ANXA6: variants seen among roughly 807,000 people sequenced by gnomAD.
ANXA6 encodes the protein annexin A6, also known as 67 kDa calelectrin.
Under a neutral mutation model 95.4 loss-of-function variants are expected in ANXA6, and 71 were observed. That is an observed-to-expected ratio of 0.74 (90% CI 0.61 to 0.91). The LOEUF (loss-of-function observed/expected upper bound fraction) is 0.91, where lower values mean the gene tolerates loss of function less well. Ranked by LOEUF, ANXA6 falls within the 40% of genes least tolerant of loss-of-function variation. The pLI is 0.00. For synonymous variants in ANXA6, 289 were observed against 315.9 expected (o/e 0.91, Z 0.90); for missense variants, 830 against 876.4 (o/e 0.95, Z 0.67).
chr5:151,120,020 C>A (rs1015558505), intron 17 of ANXA6, among the ~76,000 whole-genome samples: 8 of 152,152 alleles, frequency 5.3e-5, no homozygotes, highest in African/African-American at 1.7e-4. Flanking sequence ...GCTGGGGCCA[C>A]AGAAGCATGC....
intron 2 of ANXA6, among the ~76,000 whole-genome samples, chr5:151,145,358 C>T (rs938687347): frequency 6.6e-6 from 1 of 152,260 alleles, no homozygotes; most frequent in Non-Finnish European, 1.5e-5. Flanking sequence ...GCACAAGCAC[C>T]TGCCTATCCT....
intron 2 of ANXA6, among the ~76,000 whole-genome samples, chr5:151,145,164 C>T (rs769822362): frequency 5.3e-5 from 8 of 152,178 alleles, no homozygotes; most frequent in South Asian, 2.1e-4. Flanking sequence ...GGTGAGCAGC[C>T]GGGCCCTGGG....
intron 20 of ANXA6, among the ~76,000 whole-genome samples, chr5:151,114,869 A>G (rs17728424): frequency 0.073 from 11,167 of 152,198 alleles, 529 homozygotes; most frequent in South Asian, 0.15. Context: ...AGAGTGAGAG[A>G]CCGCCAGGGA....
intron 2 of ANXA6, among the ~76,000 whole-genome samples, chr5:151,144,291 G>A (rs1765920065): frequency 6.6e-6 from 1 of 152,170 alleles, no homozygotes; most frequent in Non-Finnish European, 1.5e-5. Flanking sequence ...TGCCTTGTAT[G>A]TAGATTAAAA....
intron 1 of ANXA6, among the ~76,000 whole-genome samples, chr5:151,148,972 C>T (rs55797624): frequency 0.24 from 36,826 of 150,906 alleles, 4,859 homozygotes; most frequent in Non-Finnish European, 0.29. Flanking sequence ...CCCAGGAGTT[C>T]GAGACCAGCC....
At chr5:151,114,386 C>T (rs1055993095) in intron 20 of ANXA6, among the ~76,000 whole-genome samples, 1 of 151,588 alleles carries the variant, frequency 6.6e-6, no homozygotes, top group Non-Finnish European at 1.5e-5. Flanking sequence ...CTGAGGCGGG[C>T]GGATCACTTG....
intron 14 of ANXA6, 70 bp from the exon 15 acceptor site, chr5:151,124,437 T>A: frequency 6.7e-7 from 1 of 1,485,992 alleles, no homozygotes; most frequent in Non-Finnish European, 9.2e-7. Flanking sequence ...AAAGACAGCA[T>A]GCGAGGGTGG....
chr5:151,132,838 ACT>A (rs1177738931), intron 9 of ANXA6, among the ~76,000 whole-genome samples: 2 of 151,678 alleles, frequency 1.3e-5, no homozygotes, highest in Non-Finnish European at 2.9e-5. Flanking sequence ...CCTGTTAATG[ACT>A]TTGCTGAGGG....
rs768821331 is a variant in ANXA6 at position 151,136,245 on chromosome 5, T to G, written c.489+11A>C. On this transcript the variant is annotated intron_variant, in intron 7 of 25. Transcript: ENST00000354546. The stretch of plus-strand genomic sequence containing the variant: ...CAAGCTCCAGAGGAAAAAAATAGGC[T>G]GTGAACCAACCTGGAGCAGGACCAC... The G allele has an allele frequency of 6.2e-7, 1 of 1,613,766 alleles. No homozygotes were observed.
chr5:151,133,137 G>A lies in ANXA6; in HGVS notation c.597C>T (p.Phe199=). ...TGCTGCGATTTCCCAAGATGTAAAT[G>A]AACTGGGCTTCATCTGTTCCCCATT... ...ELKWGTDEAQ[F]IYILGNRSKQ... Residue 199 remains phenylalanine (F), a synonymous_variant, in exon 9 of 26, where the codon TTC becomes TTT. Transcript: ENST00000354546. The A allele has an allele frequency of 6.3e-7, 1 of 1,599,810 alleles. No homozygotes were observed. Among genetic ancestry groups the A allele is most frequent in the Non-Finnish European group, 8.5e-7 (1 of 1,173,006 alleles).
At chr5:151,125,382 A>T (rs1375335971) in intron 14 of ANXA6, among the ~76,000 whole-genome samples, 3 of 151,388 alleles carry the variant, frequency 2.0e-5, no homozygotes, top group Non-Finnish European at 4.4e-5. Flanking sequence ...AATTAATTTT[A>T]TATAACTACC....
rs1257681174 is a variant in ANXA6 at position 151,138,666 on chromosome 5, C to T, written c.318+12G>A. 1 of 1,596,708 alleles carries T rather than the reference C, an allele frequency of 6.3e-7. No homozygotes were observed. The highest frequency in any genetic ancestry group is 8.6e-7 in the Non-Finnish European group (1 of 1,164,896). Reference sequence around the variant, plus strand: ...TCCCCACCCCAACACCACATACACCCCCACTTCTTACCGAGATGGCATCTT... The same window carrying T: ...TCCCCACCCCAACACCACATACACCTCCACTTCTTACCGAGATGGCATCTT... On this transcript the variant is annotated intron_variant, in intron 5 of 25. Transcript: ENST00000354546.
At chr5:151,157,347 GCC>G (rs972740663) in intron 1 of ANXA6, among the ~76,000 whole-genome samples, 4 of 151,688 alleles carry the variant, frequency 2.6e-5, no homozygotes, top group Admixed American at 1.3e-4. Flanking sequence ...AGTCTCTTGA[GCC>G]CCCCCAAATT....
chr5:151,129,628 T>C lies in ANXA6; in HGVS notation c.796-99A>G, dbSNP rs138431973. ...AAAATCCTATTTTCATAATAAAAAG[T>C]TAAAATTTAGAGCAAAAGAAGCAGA... On this transcript the variant is annotated intron_variant, in intron 11 of 25. Coordinates refer to ENST00000354546, the MANE Select transcript of ANXA6 (RefSeq NM_001155.5). 3 of 1,407,120 alleles carry C rather than the reference T, an allele frequency of 2.1e-6. No homozygotes were observed. In the African/African-American group the frequency reaches 4.3e-5, roughly 20 times the overall value. The allele number at this position is 1,407,120 out of a possible 1,614,324, so 87.2% of individuals were successfully genotyped here.
intron 1 of ANXA6, among the ~76,000 whole-genome samples, chr5:151,151,856 C>A (rs1486794580): frequency 2.0e-5 from 3 of 152,216 alleles, no homozygotes; most frequent in Non-Finnish European, 4.4e-5. Context: ...TCCCAGGAAC[C>A]CTGATTCTCT....
In ANXA6 at chr5:151,110,661, G is replaced by C. The variant is rs1484691785; in HGVS notation, c.1573-17C>G. On this transcript the variant is annotated splice_polypyrimidine_tract_variant and intron_variant, in intron 20 of 25. Coordinates refer to ENST00000354546, the MANE Select transcript of ANXA6 (RefSeq NM_001155.5). ...AGCAGCCACCTGAGAGCAGGGAGGG[G>C]AGAGAGGAGGGAGAGAAGGGAGGCA... The C allele has an allele frequency of 1.9e-6, 3 of 1,613,204 alleles. No individual in the cohort carries two copies. In the African/African-American group the frequency reaches 4.0e-5, roughly 22 times the overall value.
rs1765186782 is a variant in ANXA6, at chr5:151,122,204, C to T, written c.1290G>A (p.Leu430=). ...EISGDLARLI[L]GLMMPPAHYD... The stretch of plus-strand genomic sequence containing the variant: ...AATGGGCCGGTGGCATCATGAGCCC[C>T]AGAATCAGCCTTGCCAGGTCTCCAG... Residue 430 remains leucine (L), a synonymous_variant, in exon 17 of 26, where the codon CTG becomes CTA. Coordinates refer to ENST00000354546, the MANE Select transcript of ANXA6 (RefSeq NM_001155.5). 6.2e-7 allele frequency: 1 copy of T among 1,603,830 alleles called. No individual in the cohort carries two copies.
intron 24 of ANXA6, among the ~76,000 whole-genome samples, chr5:151,104,454 T>C (rs1375887245): frequency 1.3e-5 from 2 of 152,232 alleles, no homozygotes; most frequent in Non-Finnish European, 2.9e-5. Context: ...TATGTAAATG[T>C]GGGCAACGTT....
In ANXA6 at chr5:151,140,236, T is replaced by G. The variant is rs1391491450; in HGVS notation, c.26A>C (p.Lys9Thr). The part of the protein sequence containing the change: MAKPAQGA[K>T]YRGSIHDFPG... Reference sequence around the variant, plus strand: ...GAAGTCATGGATGGAGCCCCGGTACTTGGCACCCTGTGGAGAAAAAAGTAG... The same window carrying G: ...GAAGTCATGGATGGAGCCCCGGTACGTGGCACCCTGTGGAGAAAAAAGTAG... Residue 9 changes from lysine (K) to threonine (T), a missense_variant, in exon 3 of 26, where the codon AAG (lysine) becomes ACG (threonine). Coordinates refer to ENST00000354546, the MANE Select transcript of ANXA6 (RefSeq NM_001155.5). The G allele has an allele frequency of 1.2e-6, 2 of 1,613,732 alleles. No individual in the cohort carries two copies. The highest frequency in any genetic ancestry group is 2.7e-5 in the African/African-American group (2 of 74,870).
Sources: gnomAD v4.1 joint callset for allele counts (sites outside exome capture counted in the v4.1 genomes callset) on GRCh38, gnomAD v4.1.1 for gene constraint, MANE v1.5 for transcripts, NCBI Gene and HGNC (gene_info 2026-07-23, HGNC 2026-07-21) for gene names.